EXTL3: variants seen among roughly 807,000 people sequenced by gnomAD.
EXTL3 encodes the protein exostosin-like 3.
Under a neutral mutation model 69.3 loss-of-function variants are expected in EXTL3, and 27 were observed. That is an observed-to-expected ratio of 0.39 (90% CI 0.29 to 0.54). The LOEUF (loss-of-function observed/expected upper bound fraction) is 0.54, where lower values mean the gene tolerates loss of function less well. EXTL3 is among the 20% of genes least tolerant of loss of function. The pLI, the probability that EXTL3 is intolerant of heterozygous loss-of-function variation, is 0.69. For missense variants in EXTL3, 1,003 were observed against 1,231.8 expected (o/e 0.81, Z 2.78); for synonymous variants, 511 against 499.4 (o/e 1.02, Z -0.31).
chr8:28,720,762 G>C (rs1801277072), intron 3 of EXTL3, among the ~76,000 whole-genome samples: 1 of 152,204 alleles, frequency 6.6e-6, no homozygotes, highest in South Asian at 2.1e-4. Context: ...CTACCAAACA[G>C]AGGGGCGATG....
intron 1 of EXTL3, among the ~76,000 whole-genome samples, chr8:28,644,513 A>G (rs1806798084): frequency 1.3e-5 from 2 of 152,224 alleles, no homozygotes; most frequent in African/African-American, 4.8e-5. Context: ...AGCCTGGTCA[A>G]GAGAGTGAGA....
intron 1 of EXTL3, among the ~76,000 whole-genome samples, chr8:28,710,800 G>A (rs1801017448): frequency 6.6e-6 from 1 of 151,778 alleles, no homozygotes; most frequent in South Asian, 2.1e-4. Context: ...GCCTTCTGGA[G>A]TGGTGTGATT....
chr8:28,651,037 T>C (rs1300070182), intron 1 of EXTL3, among the ~76,000 whole-genome samples: 1 of 152,132 alleles, frequency 6.6e-6, no homozygotes, highest in Non-Finnish European at 1.5e-5. Context: ...TGTTGAATGT[T>C]TCAGATCTTT....
chr8:28,682,204 G>A (rs192015471), intron 1 of EXTL3, among the ~76,000 whole-genome samples: 1 of 152,252 alleles, frequency 6.6e-6, no homozygotes, highest in African/African-American at 2.4e-5. Context: ...GCGAAGTTGA[G>A]CATTTTTTTG....
rs750123036 is a variant in EXTL3 at position 28,717,337 on chromosome 8, G to A, written c.1278G>A (p.Lys426=). Residue 426 remains lysine (K), a synonymous_variant, in exon 3 of 7, where the codon AAG becomes AAA. Transcript: ENST00000220562. This position sits in a 1 kb window ranked among gnomAD's most constrained non-coding sequence, Gnocchi z 8.3. ...GGGAGGACCGCTTGGAATTGCTGAA[G>A]CTCTCCACCTTCGCCCTCATCATTA... ...GEREDRLELL[K]LSTFALIITP... is the part of the protein sequence containing the mutation. 6.2e-7 allele frequency: 1 copy of A among 1,614,192 alleles called. No individual in the cohort carries two copies. Among genetic ancestry groups the A allele is most frequent in the South Asian group, 1.1e-5 (1 of 91,086 alleles).
At position 28,674,654 on chromosome 8, in the gene EXTL3, G is replaced by C. The variant is rs369885088; in HGVS notation, c.-52-38803G>C. ...CTCACAGCTTTGCAGGCTATGTGCA[G>C]TTAAAGTGAGAGCATTAATTGGGAA... is the stretch of plus-strand genomic sequence containing the variant. On this transcript the variant is annotated intron_variant, in intron 1 of 6. Transcript: ENST00000523149. Among the ~76,000 whole-genome samples, 9 of 152,352 alleles carry C rather than the reference G, an allele frequency of 5.9e-5. No homozygotes were observed. The East Asian group carries it at 1.7e-3, about 29-fold the overall frequency.
chr8:28,710,268 G>A (rs1563212254), intron 1 of EXTL3: 1 of 328,260 alleles, frequency 3.0e-6, no homozygotes, highest in East Asian at 8.3e-5. Flanking sequence ...GTAAATTTGA[G>A]AGTCAGCCAA....
At chr8:28,730,972 T>G (rs953353671) in intron 3 of EXTL3, among the ~76,000 whole-genome samples, 1 of 152,224 alleles carries the variant, frequency 6.6e-6, no homozygotes, top group Non-Finnish European at 1.5e-5. Context: ...AAAATAATCT[T>G]CAGCTTTTGC....
At chr8:28,610,549 C>T (rs1178693533) in intron 2 of EXTL3, among the ~76,000 whole-genome samples, 3 of 152,044 alleles carry the variant, frequency 2.0e-5, no homozygotes, top group Non-Finnish European at 2.9e-5. Flanking sequence ...ATTCCAGGAA[C>T]CAAAACAAAG....
chr8:28,633,491 G>C (rs1391587997), intron 1 of EXTL3, among the ~76,000 whole-genome samples: 1 of 151,836 alleles, frequency 6.6e-6, no homozygotes, highest in Non-Finnish European at 1.5e-5. Flanking sequence ...AAAATTAGCC[G>C]GGTGTGGTGT....
At chr8:28,740,764 A>G (rs1268849293) in intron 5 of EXTL3, 2 of 152,112 alleles carry the variant, frequency 1.3e-5, no homozygotes, top group East Asian at 3.9e-4. Context: ...AATTTTATGC[A>G]TGTGTCTATT....
At chr8:28,654,458 G>A (rs950457107) in intron 1 of EXTL3, among the ~76,000 whole-genome samples, 4 of 151,792 alleles carry the variant, frequency 2.6e-5, no homozygotes, top group Non-Finnish European at 5.9e-5. Context: ...AGCTCACTGC[G>A]GCCTCAACCT....
At chr8:28,615,578 C>CT (rs34504243) in intron 2 of EXTL3, among the ~76,000 whole-genome samples, 1 of 151,654 alleles carries the variant, frequency 6.6e-6, no homozygotes, top group South Asian at 2.1e-4. Flanking sequence ...TTTCTTTTTT[C>CT]TTTTTTTGAG....
chr8:28,634,445 G>A (rs972168263), intron 1 of EXTL3, among the ~76,000 whole-genome samples: 1 of 152,072 alleles, frequency 6.6e-6, no homozygotes, highest in African/African-American at 2.4e-5. Flanking sequence ...TTTATCCTCT[G>A]CGGGTCCCTC....
intron 3 of EXTL3, among the ~76,000 whole-genome samples, chr8:28,729,888 A>G (rs569252572): frequency 2.0e-5 from 3 of 151,446 alleles, no homozygotes; most frequent in Admixed American, 1.3e-4. Flanking sequence ...GGCTCTTGCA[A>G]CTTGCCAGTT....
intron 1 of EXTL3, among the ~76,000 whole-genome samples, chr8:28,671,466 A>T (rs1807292920): frequency 6.6e-6 from 1 of 151,614 alleles, no homozygotes. Context: ...CAACCTCTGG[A>T]GTAGGTGAGA....
chr8:28,742,929 G>C, intron 5 of EXTL3, 157 bp from the exon 6 acceptor site: 1 of 767,906 alleles, frequency 1.3e-6, no homozygotes, highest in South Asian at 1.4e-5. Context: ...CCACACGACA[G>C]GATGTCTCGA....
Position 28,701,538 on chromosome 8 carries a change from G to A in EXTL3, c.-691G>A, listed in dbSNP as rs966670103. The A allele has an allele frequency of 3.3e-5, 5 of 152,708 alleles. No homozygotes were observed. Among genetic ancestry groups the A allele is most frequent in the Non-Finnish European group, 5.9e-5 (4 of 67,956 alleles). The allele number at this position is 152,708 out of a possible 1,614,324, so 9.5% of individuals were successfully genotyped here. A position where few individuals can be genotyped will look rare whatever the true frequency, so the allele number is the denominator to read the frequency against. On this transcript the variant is annotated 5_prime_UTR_variant, in exon 1 of 7. Transcript: ENST00000220562. Reference sequence around the variant, plus strand: ...GTCGGAAATGGCTGCCGGCCGGCAGGGGGAGCGGCGGATCAGGCGCGGCCT... The same window carrying A: ...GTCGGAAATGGCTGCCGGCCGGCAGAGGGAGCGGCGGATCAGGCGCGGCCT...
At chr8:28,745,595 G>A (rs1426457371) in intron 6 of EXTL3, among the ~76,000 whole-genome samples, 16 of 152,178 alleles carry the variant, frequency 1.1e-4, no homozygotes, top group Non-Finnish European at 1.9e-4. Context: ...TATGTAGCCA[G>A]GGACTGGACT....
Sources: gnomAD v4.1 joint callset for allele counts (sites outside exome capture counted in the v4.1 genomes callset) on GRCh38, gnomAD v4.1.1 for gene constraint, Gnocchi (gnomAD v3.1) non-coding constraint, MANE v1.5 for transcripts, NCBI Gene and HGNC (gene_info 2026-07-23, HGNC 2026-07-21) for gene names.